Variants in PSG6 observed in about 807,000 individuals in gnomAD.
The protein encoded by PSG6 is pregnancy specific beta-1-glycoprotein 6, also known as pregnancy-specific beta-1-glycoprotein 6.
A neutral mutation model predicts 43.3 loss-of-function variants in PSG6; 51 were observed. The ratio of observed to expected loss-of-function variants is 1.18; its 90% CI spans 0.94 to 1.49. PSG6 has a LOEUF of 1.49. Among genes scored for constraint, PSG6 ranks in the 40% most tolerant of loss-of-function variants. The pLI is 0.00. For synonymous variants in PSG6, 292 were observed against 197.6 expected (o/e 1.48, Z -4.01); for missense variants, 770 against 522.2 (o/e 1.47, Z -4.62).
chr19:42,909,224 T>G lies in PSG6; in HGVS notation c.706+1356A>C, dbSNP rs544578634. Among the ~76,000 whole-genome samples the G allele has an allele frequency of 5.3e-5, 8 of 151,672 alleles. No individual in the cohort carries two copies. In the East Asian group the frequency reaches 1.4e-3, roughly 26 times the overall value. On this transcript the variant is annotated intron_variant, in intron 3 of 5. Transcript: ENST00000187910. Reference sequence around the variant, plus strand: ...TCTTGCCCTTTTTTTTCTCTCACCATGTTTCTAGCTTGGTGATTAGTTTTC... The same window carrying G: ...TCTTGCCCTTTTTTTTCTCTCACCAGGTTTCTAGCTTGGTGATTAGTTTTC...
At position 42,902,105 on chromosome 19, in the gene PSG6, T is replaced by C; in HGVS notation, c.*307A>G. ...TCTTACTGAACTTGTGCAAATAACT[T>C]TATTACCATAAACCTATGAATACTC... On this transcript the variant is annotated 3_prime_UTR_variant, in exon 6 of 6. Transcript: ENST00000187910. 1 of 280,680 alleles carries C rather than the reference T, an allele frequency of 3.6e-6. No homozygotes were observed. Among genetic ancestry groups the C allele is most frequent in the Non-Finnish European group, 6.8e-6 (1 of 147,314 alleles). The allele number at this position is 280,680 out of a possible 1,614,324, so 17.4% of individuals were successfully genotyped here.
chr19:42,904,195 T>C (rs1972078434), intron 5 of PSG6, among the ~76,000 whole-genome samples: 2 of 151,684 alleles, frequency 1.3e-5, no homozygotes, highest in Admixed American at 1.3e-4. Context: ...GCTAACATCT[T>C]ACATAACAGA....
chr19:42,912,065 A>G (rs1285540181), intron 2 of PSG6, among the ~76,000 whole-genome samples: 2 of 151,536 alleles, frequency 1.3e-5, no homozygotes, highest in South Asian at 2.1e-4. Context: ...AATTTTTTTT[A>G]TTTTGGAATA....
rs757640052 is a variant in PSG6, at chr19:42,916,268, C to G, written c.284G>C (p.Ser95Thr). 7 of 1,612,070 alleles carry G rather than the reference C, an allele frequency of 4.3e-6. No homozygotes were observed. Among genetic ancestry groups the G allele is most frequent in the African/African-American group, 2.7e-5 (2 of 74,658 alleles). ...ATTGGAATATACTGTTTCTCGTCCA[C>G]TGTAGGCAGGCCCATATATAATTTG... ...HGQIIYGPAY[S>T]GRETVYSNAS... The change falls in exon 2 of 6, where the codon AGT becomes ACT. Residue 95 changes from serine to threonine, a missense_variant. Physicochemically the swap from Ser to Thr is moderately conservative, Grantham distance 58. Coordinates refer to ENST00000187910, the MANE Select transcript of PSG6 (RefSeq NM_001031850.4).
rs533475261 is a variant in PSG6 at position 42,908,237 on chromosome 19, C to T, written c.707-383G>A. Among the ~76,000 whole-genome samples, 33 of 151,730 alleles carry T rather than the reference C, an allele frequency of 2.2e-4. 1 individual carries two copies. Among genetic ancestry groups the T allele is most frequent in the Non-Finnish European group, 4.3e-4 (29 of 67,876 alleles). On this transcript the variant is annotated intron_variant, in intron 3 of 5. Transcript: ENST00000187910. ...CCTTCCAAATTACATCCTACTTTGC[C>T]CCCCTAGATGTGATTTCTCTGCAGC...
chr19:42,906,142 G>A (rs1453257146), intron 5 of PSG6, among the ~76,000 whole-genome samples: 2 of 151,540 alleles, frequency 1.3e-5, no homozygotes, highest in Non-Finnish European at 1.5e-5. Flanking sequence ...CCCCAGGGGT[G>A]AATCTCCCTA....
At chr19:42,915,119 C>T (rs1972300627) in intron 2 of PSG6, among the ~76,000 whole-genome samples, 1 of 151,382 alleles carries the variant, frequency 6.6e-6, no homozygotes, top group African/African-American at 2.4e-5. Flanking sequence ...AGAGGATGGG[C>T]CTGTGGCTGC....
Position 42,916,417 on chromosome 19 carries a change from A to T in PSG6, c.135T>A (p.Val45=), listed in dbSNP as rs750338718. 1 of 1,611,606 alleles carries T rather than the reference A, an allele frequency of 6.2e-7. No homozygotes were observed. Among genetic ancestry groups the T allele is most frequent in the East Asian group, 2.2e-5 (1 of 44,760 alleles). The change falls in exon 2 of 6, where the codon GTT becomes GTA. Residue 45 remains valine, a synonymous_variant. Coordinates refer to ENST00000187910, the MANE Select transcript of PSG6 (RefSeq NM_001031850.4). ...GTAGAAGAACATCCTTCCCCTCGGA[A>T]ACTTTGGGTGGCTTGGCTTCAATTA... ...QVIIEAKPPK[V]SEGKDVLLLV...
intron 2 of PSG6, among the ~76,000 whole-genome samples, chr19:42,911,222 G>C (rs903041939): frequency 6.6e-6 from 1 of 151,524 alleles, no homozygotes; most frequent in Non-Finnish European, 1.5e-5. Context: ...CTGGAATCTT[G>C]TTAGTTTCAG....
chr19:42,916,328 A>C lies in PSG6; in HGVS notation c.224T>G (p.Leu75Arg). Residue 75 changes from leucine (L) to arginine (R), a missense_variant, in exon 2 of 6, where the codon CTC becomes CGC. Coordinates refer to ENST00000187910, the MANE Select transcript of PSG6 (RefSeq NM_001031850.4). ...TACATATGATGTAATGTAATGGTAGAGGTCCGTCATTTGCCCTTTGTACCA... is the reference window on the plus strand; with the variant it reads ...TACATATGATGTAATGTAATGGTAGCGGTCCGTCATTTGCCCTTTGTACCA... ...YIWYKGQMTD[L>R]YHYITSYVVH... 1.2e-6 allele frequency: 2 copies of C among 1,612,202 alleles called. 1 individual carries two copies. The highest frequency in any genetic ancestry group is 1.7e-6 in the Non-Finnish European group (2 of 1,179,140).
At chr19:42,914,421 T>C (rs1199980698) in intron 2 of PSG6, among the ~76,000 whole-genome samples, 3 of 149,360 alleles carry the variant, frequency 2.0e-5, no homozygotes, top group Non-Finnish European at 4.4e-5. Context: ...GGGAGGAAGA[T>C]GAGGGACACA....
rs1383850911 is a variant in PSG6 at position 42,916,442 on chromosome 19, A to G, written c.110T>C (p.Ile37Thr). The G allele has an allele frequency of 1.1e-5, 17 of 1,611,852 alleles. 1 individual carries two copies. The East Asian group carries it at 1.1e-4, about 11-fold the overall frequency. ...AACTTTGGGTGGCTTGGCTTCAATT[A>G]TTACTTGGGCAGTGGTGGGCAGGTT... is the stretch of plus-strand genomic sequence containing the variant. ...FWNLPTTAQV[I>T]IEAKPPKVSE... Residue 37 changes from isoleucine to threonine, a missense_variant, in exon 2 of 6, where the codon ATA becomes ACA. Coordinates refer to ENST00000187910, the MANE Select transcript of PSG6 (RefSeq NM_001031850.4).
At chr19:42,916,524 C>G in intron 1 of PSG6, 37 bp from the exon 2 acceptor site, 2 of 1,587,816 alleles carry the variant, frequency 1.3e-6, no homozygotes, top group Non-Finnish European at 1.7e-6. Flanking sequence ...ATATTTGGAC[C>G]TATGTATTGG....
intron 2 of PSG6, chr19:42,915,462 G>C (rs1006548475): frequency 1.3e-5 from 2 of 152,256 alleles, no homozygotes; most frequent in African/African-American, 4.8e-5. Flanking sequence ...TTTCTATGGA[G>C]TGTCCTAGGC....
At chr19:42,917,363 CTTTTT>C (rs35188962) in intron 1 of PSG6, among the ~76,000 whole-genome samples, 1 of 123,340 alleles carries the variant, frequency 8.1e-6, no homozygotes, top group Non-Finnish European at 1.7e-5. Context: ...TCTTTTTATT[CTTTTT>C]TTTTTTTTTT....
At chr19:42,914,964 A>C (rs564817581) in intron 2 of PSG6, among the ~76,000 whole-genome samples, 1 of 151,630 alleles carries the variant, frequency 6.6e-6, no homozygotes, top group Admixed American at 6.6e-5. Context: ...GGTTGAAGCC[A>C]GTGATTTAGT....
intron 5 of PSG6, 192 bp downstream of exon 5, chr19:42,906,730 C>T: frequency 4.6e-6 from 7 of 1,528,820 alleles, no homozygotes; most frequent in South Asian, 2.6e-5. Context: ...ACAAGGTCAG[C>T]CATGAGAAAA....
chr19:42,913,049 C>T (rs1444172697), intron 2 of PSG6, among the ~76,000 whole-genome samples: 2 of 151,642 alleles, frequency 1.3e-5, no homozygotes, highest in Non-Finnish European at 2.9e-5. Flanking sequence ...TTTGAGCTTT[C>T]CTGTTTCAGT....
rs78024453 is a variant in PSG6 at position 42,906,998 on chromosome 19, G to A, written c.1164C>T (p.Ser388=). 4.4e-3 allele frequency: 7,096 copies of A among 1,612,374 alleles called. 406 individuals are homozygous for A. The African/African-American group carries it at 0.084, about 19-fold the overall frequency. ...LFIPQITTNH[S]GLYACSVRNS... The stretch of plus-strand genomic sequence containing the variant: ...TACGAACAGAGCAAGCATAGAGCCC[G>A]CTATGATTTGTAGTAATTTGGGGGA... The change falls in exon 5 of 6, where the codon AGC becomes AGT. Residue 388 remains serine (S), a synonymous_variant. Coordinates refer to ENST00000187910, the MANE Select transcript of PSG6 (RefSeq NM_001031850.4).
Sources: allele counts gnomAD v4.1 joint callset (sites outside exome capture counted in the v4.1 genomes callset), GRCh38; gene constraint gnomAD v4.1.1; transcripts MANE v1.5; gene names NCBI Gene and HGNC (gene_info 2026-07-23, HGNC 2026-07-21).